VSTM2L: variants seen among roughly 807,000 people sequenced by gnomAD.
VSTM2L encodes the protein V-set and transmembrane domain-containing protein 2-like protein.
A neutral mutation model predicts 19.9 loss-of-function variants in VSTM2L; 9 were observed. The ratio of observed to expected loss-of-function variants is 0.45; its 90% CI spans 0.27 to 0.79. The LOEUF (loss-of-function observed/expected upper bound fraction) is 0.79. VSTM2L is among the 30% of genes least tolerant of loss of function. The pLI, the probability that VSTM2L is intolerant of heterozygous loss-of-function variation, is 0.15. For missense variants in VSTM2L, 286 were observed against 295.5 expected, an observed-to-expected ratio of 0.97 and a Z score of 0.24; for synonymous variants, 127 against 133.8, an observed-to-expected ratio of 0.95 and a Z score of 0.35.
At chr20:37,939,475 A>T (rs2072959461) in intron 3 of VSTM2L, among the ~76,000 whole-genome samples, 1 of 152,338 alleles carries the variant, frequency 6.6e-6, no homozygotes, top group South Asian at 2.1e-4. Flanking sequence ...GATGAAACTT[A>T]TCACATCATC....
intron 1 of VSTM2L, among the ~76,000 whole-genome samples, chr20:37,921,808 T>TTTTC (rs1196831071): frequency 6.6e-6 from 1 of 150,832 alleles, no homozygotes; most frequent in African/African-American, 2.5e-5. Flanking sequence ...GGGATTTTTG[T>TTTTC]TTTCTTTCTC....
intron 1 of VSTM2L, among the ~76,000 whole-genome samples, chr20:37,910,933 GAAA>G (rs1200911169): frequency 6.9e-6 from 1 of 145,210 alleles, no homozygotes; most frequent in South Asian, 2.2e-4. Flanking sequence ...AAAAAAAAAA[GAAA>G]AAGAAGAAGA....
chr20:37,938,325 C>G (rs1222328300), intron 3 of VSTM2L, among the ~76,000 whole-genome samples: 2 of 152,142 alleles, frequency 1.3e-5, no homozygotes, highest in African/African-American at 2.4e-5. Flanking sequence ...TGGGGAGAAC[C>G]TGAGTTGGGT....
chr20:37,932,126 G>A (rs1036812320), intron 2 of VSTM2L, among the ~76,000 whole-genome samples: 2 of 152,176 alleles, frequency 1.3e-5, no homozygotes, highest in Non-Finnish European at 2.9e-5. Context: ...CTGGCTTCAG[G>A]TTATGGAGCA....
intron 3 of VSTM2L, among the ~76,000 whole-genome samples, chr20:37,937,109 T>C (rs2072945302): frequency 6.6e-6 from 1 of 152,028 alleles, no homozygotes; most frequent in Non-Finnish European, 1.5e-5. Flanking sequence ...CAGTCCCAGA[T>C]ACTTGGGAGG....
At chr20:37,914,320 G>A (rs1304994949) in intron 1 of VSTM2L, among the ~76,000 whole-genome samples, 3 of 20,634 alleles carry the variant, frequency 1.5e-4, no homozygotes, top group Non-Finnish European at 2.2e-4. Context: ...CTGTGTGTAT[G>A]TGTGTGGGGT....
At chr20:37,919,652 G>A (rs1445702052) in intron 1 of VSTM2L, among the ~76,000 whole-genome samples, 3 of 152,232 alleles carry the variant, frequency 2.0e-5, no homozygotes, top group Admixed American at 6.5e-5. Flanking sequence ...TGAACCTGGA[G>A]CACACACACC....
chr20:37,916,999 G>A (rs907313315), intron 1 of VSTM2L, among the ~76,000 whole-genome samples: 3 of 152,152 alleles, frequency 2.0e-5, no homozygotes, highest in Non-Finnish European at 4.4e-5. Flanking sequence ...CACTAGATGC[G>A]ACTCAATTGT....
intron 1 of VSTM2L, among the ~76,000 whole-genome samples, chr20:37,930,093 T>G (rs2072900182): frequency 6.6e-6 from 1 of 152,216 alleles, no homozygotes; most frequent in South Asian, 2.1e-4. Flanking sequence ...GGAGCCTCCA[T>G]GAGCTGCTTT....
intron 1 of VSTM2L, among the ~76,000 whole-genome samples, chr20:37,914,389 G>GGTGT (rs1318869063): frequency 2.8e-4 from 1 of 3,630 alleles, no homozygotes; most frequent in Non-Finnish European, 5.4e-4. Context: ...TGTATGTGTG[G>GGTGT]GTGTGTGTAT....
Position 37,943,990 on chromosome 20 carries a change from G to A in VSTM2L, c.352G>A (p.Val118Met). The part of the protein sequence containing the change: ...KEATKISVVK[V>M]VGSNISHKLR... ...TCTCTGTCACCCCCAGGTGGTCAAGGTGGTGGGCAGCAACATCTCCCACAA... is the reference window on the plus strand; with the variant it reads ...TCTCTGTCACCCCCAGGTGGTCAAGATGGTGGGCAGCAACATCTCCCACAA... The change falls in exon 4 of 4, where the codon GTG becomes ATG. Residue 118 changes from valine (V) to methionine (M), a missense_variant. Coordinates refer to ENST00000373461, the MANE Select transcript of VSTM2L (RefSeq NM_080607.3). The A allele has an allele frequency of 1.3e-6, 2 of 1,575,416 alleles. No homozygotes were observed. The highest frequency in any genetic ancestry group is 1.7e-6 in the Non-Finnish European group (2 of 1,154,644).
intron 1 of VSTM2L, among the ~76,000 whole-genome samples, chr20:37,913,956 G>A (rs571081396): frequency 1.4e-4 from 21 of 152,144 alleles, no homozygotes; most frequent in South Asian, 4.1e-4. Flanking sequence ...AGCTGAAGCA[G>A]GACTTGGGGC....
At chr20:37,910,902 G>C (rs1052910145) in intron 1 of VSTM2L, among the ~76,000 whole-genome samples, 3 of 148,734 alleles carry the variant, frequency 2.0e-5, no homozygotes, top group African/African-American at 7.5e-5. Context: ...GGGTGACAGA[G>C]TGAGACCCTG....
At chr20:37,939,946 A>T (rs960981857) in intron 3 of VSTM2L, among the ~76,000 whole-genome samples, 2 of 151,908 alleles carry the variant, frequency 1.3e-5, no homozygotes, top group African/African-American at 4.8e-5. Context: ...CTCTTGGCAG[A>T]GGGGGTGACA....
chr20:37,937,730 T>A (rs1183129963), intron 3 of VSTM2L, among the ~76,000 whole-genome samples: 2 of 152,188 alleles, frequency 1.3e-5, no homozygotes, highest in East Asian at 3.9e-4. Flanking sequence ...CAGTCCACTG[T>A]GAGAGACGGG....
At chr20:37,921,820 CTT>C (rs367824470) in intron 1 of VSTM2L, among the ~76,000 whole-genome samples, 1 of 130,746 alleles carries the variant, frequency 7.6e-6, no homozygotes, top group East Asian at 2.1e-4. Context: ...TTCTTTCTCT[CTT>C]TCTTTCTTTC....
chr20:37,931,207 G>A (rs955265757), intron 1 of VSTM2L, among the ~76,000 whole-genome samples: 2 of 152,164 alleles, frequency 1.3e-5, no homozygotes, highest in African/African-American at 2.4e-5. Context: ...GGCGCTGGCC[G>A]CTGTACATGG....
intron 1 of VSTM2L, among the ~76,000 whole-genome samples, chr20:37,904,164 G>A (rs56067831): frequency 2.0e-5 from 3 of 152,222 alleles, no homozygotes; most frequent in Admixed American, 2.0e-4. Context: ...CAGCCTCCCA[G>A]TTGGGCGGGT....
rs1555840266 is a variant in VSTM2L, at chr20:37,924,569, AAC to A, written c.122-7064_122-7063del. On this transcript the variant is annotated intron_variant, in intron 1 of 3. Coordinates refer to ENST00000373461, the MANE Select transcript of VSTM2L (RefSeq NM_080607.3). ...GACTCTGTCTCAAAAAAAAAAAAAA[AAC>A]AAAACAAAATAATAAATAAATAAAC... is the stretch of plus-strand genomic sequence containing the variant. 1.0e-3 allele frequency among the ~76,000 whole-genome samples: 148 copies of A among 148,020 alleles called. 1 individual carries two copies. Among genetic ancestry groups the A allele is most frequent in the African/African-American group, 3.2e-3 (126 of 39,448 alleles).
Sources: allele counts gnomAD v4.1 joint callset (sites outside exome capture counted in the v4.1 genomes callset), GRCh38; gene constraint gnomAD v4.1.1; transcripts MANE v1.5; gene names NCBI Gene and HGNC (gene_info 2026-07-23, HGNC 2026-07-21).